Variants in STS observed in about 807,000 individuals in gnomAD.
STS encodes steryl-sulfatase.
In STS, 7 loss-of-function variants were observed where a neutral mutation model predicts 26.8. That is an observed-to-expected ratio of 0.26 (90% CI 0.15 to 0.49). The LOEUF (loss-of-function observed/expected upper bound fraction) is 0.49, where lower values mean the gene tolerates loss of function less well. STS is among the 20% of genes least tolerant of loss of function. The pLI is 0.98. For synonymous variants in STS, 199 were observed against 189.4 expected, an observed-to-expected ratio of 1.05 and a Z score of -0.42; for missense variants, 434 against 465.6, an observed-to-expected ratio of 0.93 and a Z score of 0.63.
chrX:7,169,453 G>A (rs1444261461), intron 1 of STS, among the ~76,000 whole-genome samples: 7 of 112,088 alleles, frequency 6.2e-5, no homozygotes, highest in African/African-American at 2.3e-4. Context: ...TTATCCCTTT[G>A]TCTTTCACCT....
chrX:7,190,746 C>T (rs1445067510), intron 1 of STS, among the ~76,000 whole-genome samples, 134 bp from the exon 2 acceptor site: 1 of 106,109 alleles, frequency 9.4e-6, no homozygotes, highest in Non-Finnish European at 1.9e-5. Flanking sequence ...GCTGTCTGGG[C>T]AATAAAGTGA....
chrX:7,256,448 G>A (rs144554750), intron 3 of STS, among the ~76,000 whole-genome samples: 1,225 of 111,818 alleles, frequency 0.011, 6 homozygotes, highest in Non-Finnish European at 0.016. Context: ...GATGCTCACT[G>A]GTTGAGGCAC....
intron 8 of STS, among the ~76,000 whole-genome samples, chrX:7,308,371 T>C: frequency 8.9e-6 from 1 of 112,004 alleles, no homozygotes. Context: ...TTAAGAAAGT[T>C]ACCTATGGAA....
At chrX:7,340,665 TA>T (rs202002466) in intron 10 of STS, among the ~76,000 whole-genome samples, 9 of 110,245 alleles carry the variant, frequency 8.2e-5, no homozygotes, top group African/African-American at 9.9e-5. Flanking sequence ...CAAAAAACAA[TA>T]AAAAAAAACA....
At chrX:7,201,588 GC>G (rs1466925368) in intron 2 of STS, among the ~76,000 whole-genome samples, 1 of 109,602 alleles carries the variant, frequency 9.1e-6, no homozygotes, top group Admixed American at 9.8e-5. Flanking sequence ...TTCTGCTTGT[GC>G]TGTGGGAGGT....
chrX:7,241,313 A>G (rs1017711501), intron 2 of STS, among the ~76,000 whole-genome samples: 8 of 111,980 alleles, frequency 7.1e-5, no homozygotes, highest in African/African-American at 2.6e-4. Context: ...ATAATAGTCC[A>G]AAGTAGGTCT....
chrX:7,275,631 A>C (rs1016651810), intron 6 of STS, among the ~76,000 whole-genome samples: 9 of 111,420 alleles, frequency 8.1e-5, no homozygotes, highest in African/African-American at 2.9e-4. Context: ...GAACAGAATT[A>C]AACAACAACA....
intron 2 of STS, among the ~76,000 whole-genome samples, chrX:7,236,671 G>A (rs962470310): frequency 4.3e-4 from 48 of 111,550 alleles, no homozygotes; most frequent in Non-Finnish European, 7.9e-4. Flanking sequence ...TTTATTAAAG[G>A]TTTTAAGTTA....
At chrX:7,320,021 TA>T (rs1310022720) in intron 8 of STS, among the ~76,000 whole-genome samples, 2 of 94,800 alleles carry the variant, frequency 2.1e-5, no homozygotes, top group Non-Finnish European at 4.1e-5. Context: ...TATTTATATA[TA>T]TTTATATATA....
chrX:7,149,990 A>G (rs1485673200), intron 1 of STS, among the ~76,000 whole-genome samples: 1 of 111,657 alleles, frequency 9.0e-6, no homozygotes, highest in Non-Finnish European at 1.9e-5. Flanking sequence ...TCCAACATAT[A>G]TTTTTGGGAA....
intron 8 of STS, among the ~76,000 whole-genome samples, chrX:7,324,688 C>T (rs1196741929): frequency 9.0e-6 from 1 of 111,390 alleles, no homozygotes; most frequent in African/African-American, 3.3e-5. Context: ...TAAAATGAGG[C>T]ATGTCCAATC....
At chrX:7,160,630 C>T (rs1933222197) in intron 1 of STS, among the ~76,000 whole-genome samples, 1 of 111,741 alleles carries the variant, frequency 8.9e-6, no homozygotes, top group African/African-American at 3.2e-5. Context: ...AATACTGCAC[C>T]CACTGCTTCT....
At chrX:7,211,848 TC>T (rs1441519817) in intron 2 of STS, among the ~76,000 whole-genome samples, 1 of 111,591 alleles carries the variant, frequency 9.0e-6, no homozygotes, top group Admixed American at 9.5e-5. Flanking sequence ...GCCAGAGTCA[TC>T]CCTGCCCTGC....
At chrX:7,256,734 G>A (rs1923427139) in intron 3 of STS, among the ~76,000 whole-genome samples, 3 of 111,603 alleles carry the variant, frequency 2.7e-5, no homozygotes, top group Middle Eastern at 9.1e-3. Context: ...GTGGGACCAG[G>A]AGCTCAGAGC....
intron 10 of STS, among the ~76,000 whole-genome samples, chrX:7,349,020 C>T (rs1357957028): frequency 1.8e-5 from 2 of 109,513 alleles, no homozygotes; most frequent in Admixed American, 2.0e-4. Flanking sequence ...CTTGCTCTGC[C>T]ACCCAGGCTG....
intron 1 of STS, among the ~76,000 whole-genome samples, chrX:7,173,006 T>C (rs1268704573): frequency 9.0e-6 from 1 of 111,486 alleles, no homozygotes; most frequent in Non-Finnish European, 1.9e-5. Flanking sequence ...ACATGTGCCA[T>C]GGTGGTTTGC....
chrX:7,334,208 G>A, intron 10 of STS, 101 bp downstream of exon 10: 1 of 1,084,319 alleles, frequency 9.2e-7, no homozygotes. Flanking sequence ...CTCAATGGAG[G>A]CCAACAGGTG....
At chrX:7,181,754 G>A (rs1253468887) in intron 1 of STS, among the ~76,000 whole-genome samples, 1 of 112,084 alleles carries the variant, frequency 8.9e-6, no homozygotes, top group Non-Finnish European at 1.9e-5. Flanking sequence ...TCTATGGGTA[G>A]ATATTGCAGG....
At chrX:7,233,090 TC>T (rs1301436943) in intron 2 of STS, among the ~76,000 whole-genome samples, 1 of 86,282 alleles carries the variant, frequency 1.2e-5, no homozygotes, top group African/African-American at 3.9e-5. Flanking sequence ...TTTCTTTTTT[TC>T]TTTTTTTTTT....
Sources: allele counts gnomAD v4.1 joint callset (sites outside exome capture counted in the v4.1 genomes callset), GRCh38; gene constraint gnomAD v4.1.1; transcripts MANE v1.5; gene names NCBI Gene and HGNC (gene_info 2026-07-23, HGNC 2026-07-21).